Variants in ROCK1 observed in about 807,000 individuals in gnomAD.
ROCK1 encodes Rho associated coiled-coil containing protein kinase 1.
ROCK1 carries 36 observed loss-of-function variants against 196.8 expected under a neutral mutation model. The observed-to-expected ratio is 0.18, with a 90% CI of 0.14 to 0.24. The LOEUF (loss-of-function observed/expected upper bound fraction) is 0.24. Among genes scored for constraint, ROCK1 ranks in the 10% least tolerant of loss-of-function variants. The probability of loss-of-function intolerance (pLI) is 1.00; values close to 1 mark genes in which losing one functional copy is unlikely to be tolerated. For synonymous variants in ROCK1, 443 were observed against 515.9 expected (o/e 0.86, Z 1.91); for missense variants, 920 against 1,562.0 (o/e 0.59, Z 6.93).
At chr18:21,005,733 TG>T (rs1265348866) in intron 16 of ROCK1, among the ~76,000 whole-genome samples, 1 of 152,054 alleles carries the variant, frequency 6.6e-6, no homozygotes, top group Non-Finnish European at 1.5e-5. Context: ...AAAAATTAGC[TG>T]GGCATGGTGG....
intron 1 of ROCK1, among the ~76,000 whole-genome samples, chr18:21,106,728 T>C (rs1395726567): frequency 6.6e-6 from 1 of 152,196 alleles, no homozygotes; most frequent in African/African-American, 2.4e-5. Flanking sequence ...GTTGACTAAT[T>C]TGAATGCTCT....
chr18:20,972,925 G>C (rs1322365893), intron 22 of ROCK1, among the ~76,000 whole-genome samples: 1 of 152,246 alleles, frequency 6.6e-6, no homozygotes, highest in Non-Finnish European at 1.5e-5. Context: ...TGTTGCCCAG[G>C]CTGGAGCGCA....
chr18:21,080,535 A>G (rs970476021), intron 1 of ROCK1, among the ~76,000 whole-genome samples: 1 of 152,210 alleles, frequency 6.6e-6, no homozygotes, highest in African/African-American at 2.4e-5. Flanking sequence ...ATCAAACTAC[A>G]GAGACTGACA....
At chr18:21,060,397 C>G (rs1239710269) in intron 2 of ROCK1, among the ~76,000 whole-genome samples, 3 of 152,158 alleles carry the variant, frequency 2.0e-5, no homozygotes, top group African/African-American at 7.2e-5. Flanking sequence ...AACAGAAACT[C>G]TCATTCATTG....
chr18:21,094,426 T>G (rs947730524), intron 1 of ROCK1, among the ~76,000 whole-genome samples: 5 of 151,934 alleles, frequency 3.3e-5, no homozygotes, highest in Non-Finnish European at 5.9e-5. Flanking sequence ...AGTCTAATAA[T>G]CCAATTTTTA....
At chr18:20,972,387 C>T (rs1568371445) in intron 22 of ROCK1, among the ~76,000 whole-genome samples, 2 of 152,018 alleles carry the variant, frequency 1.3e-5, no homozygotes, top group East Asian at 3.9e-4. Context: ...GTGCTTAACA[C>T]TCAAGCAGAG....
chr18:20,992,326 T>TAG (rs2035633464), intron 17 of ROCK1, among the ~76,000 whole-genome samples: 1 of 152,232 alleles, frequency 6.6e-6, no homozygotes, highest in African/African-American at 2.4e-5. Context: ...CTATATCATC[T>TAG]ATTTAACTCT....
At chr18:21,037,334 G>A (rs1314940668) in intron 9 of ROCK1, among the ~76,000 whole-genome samples, 1 of 152,146 alleles carries the variant, frequency 6.6e-6, no homozygotes, top group Non-Finnish European at 1.5e-5. Flanking sequence ...GCAATGTGGA[G>A]ACATGTTAAG....
At chr18:21,080,719 A>G (rs1377625352) in intron 1 of ROCK1, among the ~76,000 whole-genome samples, 1 of 152,198 alleles carries the variant, frequency 6.6e-6, no homozygotes, top group African/African-American at 2.4e-5. Context: ...CAGACAAAAC[A>G]GACCTTAAGT....
intron 22 of ROCK1, among the ~76,000 whole-genome samples, chr18:20,978,831 TTC>T (rs1406823101): frequency 6.6e-6 from 1 of 152,204 alleles, no homozygotes; most frequent in African/African-American, 2.4e-5. Context: ...GATAGCAAGG[TTC>T]TCTTTCATGG....
At chr18:20,995,984 C>T (rs1396254704) in intron 16 of ROCK1, among the ~76,000 whole-genome samples, 1 of 152,080 alleles carries the variant, frequency 6.6e-6, no homozygotes, top group Non-Finnish European at 1.5e-5. Flanking sequence ...CAATAAATAC[C>T]TAACTCTTCA....
chr18:21,057,178 A>T (rs767730595), intron 2 of ROCK1, among the ~76,000 whole-genome samples: 13 of 152,120 alleles, frequency 8.5e-5, no homozygotes, highest in Non-Finnish European at 1.5e-5. Flanking sequence ...GACCATCTAG[A>T]CTCTTTTAGC....
Position 21,110,934 on chromosome 18 carries a change from C to G in ROCK1, c.-24G>C. Reference sequence around the variant, plus strand: ...ATGTTGCTGCTGCTGTGACAATGCCCTCTTACCAGCACCAGCAGCGGAAAG... The same window carrying G: ...ATGTTGCTGCTGCTGTGACAATGCCGTCTTACCAGCACCAGCAGCGGAAAG... On this transcript the variant is annotated 5_prime_UTR_variant, in exon 1 of 33. Coordinates refer to ENST00000399799, the MANE Select transcript of ROCK1 (RefSeq NM_005406.3). 6.3e-7 allele frequency: 1 copy of G among 1,580,156 alleles called. No homozygotes were observed.
At chr18:21,069,551 A>C (rs1044647553) in intron 2 of ROCK1, among the ~76,000 whole-genome samples, 16 of 152,074 alleles carry the variant, frequency 1.1e-4, no homozygotes, top group African/African-American at 3.1e-4. Flanking sequence ...GGAAGCATGA[A>C]TTTCATTCTT....
intron 9 of ROCK1, among the ~76,000 whole-genome samples, chr18:21,036,042 A>C (rs180856600): frequency 1.1e-3 from 164 of 152,328 alleles, no homozygotes; most frequent in African/African-American, 3.7e-3. Flanking sequence ...AAAATGCCCA[A>C]CATGGGGAAT....
At chr18:21,083,988 T>C (rs1171940145) in intron 1 of ROCK1, among the ~76,000 whole-genome samples, 1 of 152,126 alleles carries the variant, frequency 6.6e-6, no homozygotes, top group Non-Finnish European at 1.5e-5. Flanking sequence ...ATACATATGG[T>C]CAATTAATTT....
chr18:20,961,285 T>G (rs1233074784), intron 27 of ROCK1, among the ~76,000 whole-genome samples: 1 of 152,164 alleles, frequency 6.6e-6, no homozygotes, highest in Non-Finnish European at 1.5e-5. Flanking sequence ...CAATATATTG[T>G]CCGCCTTCAT....
In ROCK1 at chr18:20,973,797, CT is replaced by C. The variant is rs766676820; in HGVS notation, c.2655-3285del. 6.4e-3 allele frequency among the ~76,000 whole-genome samples: 893 copies of C among 138,926 alleles called. 5 individuals carry two copies. Among genetic ancestry groups the C allele is most frequent in the African/African-American group, 0.017 (652 of 38,292 alleles). The allele number at this position is 138,926 out of a possible 152,430, so 91.1% of individuals were successfully genotyped here. On this transcript the variant is annotated intron_variant, in intron 22 of 32. Coordinates refer to ENST00000399799, the MANE Select transcript of ROCK1 (RefSeq NM_005406.3). ...TTGTGACCTTTCTCAATATTTGGCA[CT>C]TTTTTTTTTTTTTTGAGATGGAGTC...
chr18:21,015,907 G>A (rs2035858628), intron 12 of ROCK1, among the ~76,000 whole-genome samples: 1 of 151,814 alleles, frequency 6.6e-6, no homozygotes, highest in Non-Finnish European at 1.5e-5. Flanking sequence ...TTGAACCTGG[G>A]AGGTGGAGGT....
Sources: allele counts gnomAD v4.1 joint callset (sites outside exome capture counted in the v4.1 genomes callset), GRCh38; gene constraint gnomAD v4.1.1; transcripts MANE v1.5; gene names NCBI Gene and HGNC (gene_info 2026-07-23, HGNC 2026-07-21).